ART3: variants seen among roughly 807,000 people sequenced by gnomAD.
The protein encoded by ART3 is ADP-ribosyltransferase 3 (inactive).
In ART3, 49 loss-of-function variants were observed where a neutral mutation model predicts 48.5. The observed-to-expected ratio is 1.01, with a 90% CI of 0.80 to 1.28. ART3 has a LOEUF of 1.28. ART3 is among the 50% of genes most tolerant of loss of function. The probability of loss-of-function intolerance (pLI) is 0.00; values close to 1 mark genes in which losing one functional copy is unlikely to be tolerated. For synonymous variants in ART3, 145 were observed against 157.2 expected (o/e 0.92, Z 0.58); for missense variants, 438 against 454.3 (o/e 0.96, Z 0.33).
At chr4:76,045,041 C>T (rs944750895) in intron 1 of ART3, among the ~76,000 whole-genome samples, 11 of 152,032 alleles carry the variant, frequency 7.2e-5, no homozygotes, top group Middle Eastern at 3.2e-3. Context: ...TTCTAAGGCT[C>T]GGGTAAGTGC....
intron 1 of ART3, among the ~76,000 whole-genome samples, chr4:76,047,163 T>C (rs1020491124): frequency 2.0e-5 from 3 of 151,938 alleles, no homozygotes; most frequent in African/African-American, 7.2e-5. Flanking sequence ...CAATCTTTTT[T>C]AAAGTGTCCT....
chr4:76,098,885 A>G, intron 4 of ART3, 70 bp from the exon 5 acceptor site: 1 of 1,312,750 alleles, frequency 7.6e-7, no homozygotes, highest in Non-Finnish European at 1.1e-6. Context: ...ATGAACATTT[A>G]AAAATAGACT....
intron 1 of ART3, among the ~76,000 whole-genome samples, chr4:76,059,374 T>C (rs201804866): frequency 2.9e-5 from 4 of 135,804 alleles, no homozygotes; most frequent in African/African-American, 7.9e-5. Flanking sequence ...TTTTTTTTCT[T>C]TTTTTTTTCC....
chr4:76,079,643 G>C (rs553503794), intron 2 of ART3, among the ~76,000 whole-genome samples: 1 of 152,282 alleles, frequency 6.6e-6, no homozygotes, highest in South Asian at 2.1e-4. Flanking sequence ...GTCTGCAAAA[G>C]AGTCTAAGAA....
chr4:76,060,705 CAGTT>C (rs1719136377), intron 1 of ART3, among the ~76,000 whole-genome samples: 1 of 152,146 alleles, frequency 6.6e-6, no homozygotes, highest in African/African-American at 2.4e-5. Context: ...ACAGAGCAGT[CAGTT>C]AGAGAGATGC....
At chr4:76,026,681 T>C (rs917674281) in intron 1 of ART3, among the ~76,000 whole-genome samples, 2 of 121,544 alleles carry the variant, frequency 1.6e-5, no homozygotes, top group Non-Finnish European at 3.3e-5. Context: ...CCCTAAAAGC[T>C]TCTTAGTTAT....
chr4:76,075,810 G>A lies in ART3; in HGVS notation c.-9-71G>A, dbSNP rs562498605. The A allele has an allele frequency of 6.0e-6, 7 of 1,160,776 alleles. No individual in the cohort carries two copies. In the East Asian group the frequency reaches 9.5e-5, roughly 16 times the overall value. The allele number at this position is 1,160,776 out of a possible 1,614,324, so 71.9% of individuals were successfully genotyped here. On this transcript the variant is annotated intron_variant, in intron 1 of 11. Coordinates refer to ENST00000355810, the MANE Select transcript of ART3 (RefSeq NM_001130016.3). ...CATTCTAAATGAAAAAATACGCAGT[G>A]TCATCCTATTCTACTTCCCTACACC...
At chr4:76,059,362 G>T (rs201319310) in intron 1 of ART3, among the ~76,000 whole-genome samples, 52 of 141,088 alleles carry the variant, frequency 3.7e-4, no homozygotes, top group Admixed American at 1.4e-3. Context: ...ATTTTCTCTT[G>T]TTTTTTTTTC....
intron 4 of ART3, among the ~76,000 whole-genome samples, chr4:76,098,006 C>T (rs1383827879): frequency 1.3e-5 from 2 of 152,174 alleles, no homozygotes; most frequent in African/African-American, 4.8e-5. Context: ...TCCCCTACAT[C>T]TTCAGCCATT....
intron 1 of ART3, among the ~76,000 whole-genome samples, chr4:76,039,665 A>G (rs1209664152): frequency 1.3e-5 from 2 of 152,254 alleles, no homozygotes; most frequent in African/African-American, 4.8e-5. Context: ...AACAATAGTG[A>G]ATATTTCTGC....
chr4:76,099,310 A>C (rs927718171), intron 5 of ART3: 2 of 333,692 alleles, frequency 6.0e-6, no homozygotes, highest in African/African-American at 4.3e-5. Context: ...CTCCAAAGTT[A>C]ATAATAATAA....
chr4:76,032,615 A>G (rs1733977021), intron 1 of ART3, among the ~76,000 whole-genome samples: 3 of 121,218 alleles, frequency 2.5e-5, no homozygotes, highest in African/African-American at 9.7e-5. Flanking sequence ...GTGCAGTTTC[A>G]CTCTTGTTGC....
chr4:76,096,690 A>C (rs1213485524), intron 3 of ART3, among the ~76,000 whole-genome samples: 1 of 152,188 alleles, frequency 6.6e-6, no homozygotes, highest in Non-Finnish European at 1.5e-5. Flanking sequence ...TCTCAGGGGA[A>C]TCACTGCAGT....
Position 76,097,790 on chromosome 4 carries a change from C to T in ART3, c.814+114C>T, listed in dbSNP as rs376145343. The T allele has an allele frequency of 5.0e-4, 440 of 871,372 alleles. 8 individuals carry two copies. In the East Asian group the frequency reaches 8.1e-3, roughly 16 times the overall value. 54.0% of individuals were successfully genotyped at this position (871,372 alleles called of 1,614,324 possible). ...CTGTCGTTCTGTCAAACATCATTTT[C>T]TCAAGGCTAAATTGTGCTACTACTG... is the stretch of plus-strand genomic sequence containing the variant. On this transcript the variant is annotated intron_variant, in intron 4 of 11. Coordinates refer to ENST00000355810, the MANE Select transcript of ART3 (RefSeq NM_001130016.3).
intron 3 of ART3, among the ~76,000 whole-genome samples, chr4:76,086,412 T>A (rs547133831): frequency 6.6e-6 from 1 of 152,198 alleles, no homozygotes; most frequent in Admixed American, 6.5e-5. Context: ...ATATGTGGAA[T>A]ATATATGAGA....
At chr4:76,040,479 C>CACACACACAT (rs1160410234) in intron 1 of ART3, among the ~76,000 whole-genome samples, 6 of 149,746 alleles carry the variant, frequency 4.0e-5, no homozygotes, top group African/African-American at 1.5e-4. Context: ...CACACACACA[C>CACACACACAT]ATTTCGCCTA....
chr4:76,023,247 T>C, intron 1 of ART3: 1 of 717,850 alleles, frequency 1.4e-6, no homozygotes, highest in Non-Finnish European at 2.4e-6. Flanking sequence ...AATCTCTATT[T>C]ATTTCCCTCT....
intron 1 of ART3, among the ~76,000 whole-genome samples, chr4:76,024,812 G>A (rs1284055221): frequency 6.6e-6 from 1 of 152,176 alleles, no homozygotes; most frequent in African/African-American, 2.4e-5. Context: ...TCAGGGAATG[G>A]AAAAGCTTCC....
At chr4:76,103,625 A>G (rs1578601859) in intron 8 of ART3, among the ~76,000 whole-genome samples, 3 of 152,284 alleles carry the variant, frequency 2.0e-5, no homozygotes, top group Middle Eastern at 6.8e-3. Flanking sequence ...ATAGAGCTAA[A>G]CCAAGCAGAA....
Sources: allele counts gnomAD v4.1 joint callset (sites outside exome capture counted in the v4.1 genomes callset), GRCh38; gene constraint gnomAD v4.1.1; transcripts MANE v1.5; gene names NCBI Gene and HGNC (gene_info 2026-07-23, HGNC 2026-07-21).